The following ARHGAP24 variants were observed in gnomAD, a reference collection of about 807,000 sequenced individuals.
The protein encoded by ARHGAP24 is rho GTPase-activating protein 24.
A neutral mutation model predicts 76.4 loss-of-function variants in ARHGAP24; 50 were observed. The observed-to-expected ratio is 0.65, with a 90% CI of 0.52 to 0.83. The LOEUF (loss-of-function observed/expected upper bound fraction) is 0.83, where lower values mean the gene tolerates loss of function less well. Among genes scored for constraint, ARHGAP24 ranks in the 40% least tolerant of loss-of-function variants. The probability of loss-of-function intolerance (pLI) is 0.00; values close to 1 mark genes in which losing one functional copy is unlikely to be tolerated. For missense variants in ARHGAP24, 930 were observed against 914.2 expected, an observed-to-expected ratio of 1.02 and a Z score of -0.22; for synonymous variants, 345 against 323.3, an observed-to-expected ratio of 1.07 and a Z score of -0.72.
chr4:85,551,971 G>A (rs771254310), intron 1 of ARHGAP24, among the ~76,000 whole-genome samples: 1 of 152,018 alleles, frequency 6.6e-6, no homozygotes, highest in Non-Finnish European at 1.5e-5. Flanking sequence ...AAAAACTCAT[G>A]GATTCATTGA....
intron 3 of ARHGAP24, among the ~76,000 whole-genome samples, chr4:85,763,723 G>A (rs1044852196): frequency 1.3e-5 from 2 of 151,954 alleles, no homozygotes; most frequent in Non-Finnish European, 2.9e-5. Flanking sequence ...ATTTTGAAGA[G>A]TGAACATGTT....
chr4:85,983,901 A>G (rs1739832951), intron 8 of ARHGAP24, among the ~76,000 whole-genome samples: 1 of 152,234 alleles, frequency 6.6e-6, no homozygotes, highest in Non-Finnish European at 1.5e-5. Flanking sequence ...TGAGGGTAGA[A>G]TTAACTCTTC....
chr4:85,718,871 C>G (rs1479248739), intron 2 of ARHGAP24, among the ~76,000 whole-genome samples: 1 of 152,060 alleles, frequency 6.6e-6, no homozygotes, highest in East Asian at 1.9e-4. Flanking sequence ...TTTTAAATTA[C>G]AAAATGTGAT....
intron 3 of ARHGAP24, among the ~76,000 whole-genome samples, chr4:85,833,484 GAA>G (rs57631674): frequency 6.7e-6 from 1 of 149,802 alleles, no homozygotes; most frequent in Non-Finnish European, 1.5e-5. Flanking sequence ...CTGACCTGGG[GAA>G]AAAAAAAACA....
intron 4 of ARHGAP24, among the ~76,000 whole-genome samples, chr4:85,929,326 G>C (rs1255443324): frequency 6.6e-6 from 1 of 152,228 alleles, no homozygotes; most frequent in Non-Finnish European, 1.5e-5. Flanking sequence ...GGGCATGCTA[G>C]TCAGAGTAAT....
At chr4:85,785,745 G>A (rs187872958) in intron 3 of ARHGAP24, among the ~76,000 whole-genome samples, 2 of 152,190 alleles carry the variant, frequency 1.3e-5, no homozygotes, top group East Asian at 3.9e-4. Context: ...GAATCCATCA[G>A]TGCCGTTGTC....
chr4:85,610,648 C>T (rs1316077485), intron 2 of ARHGAP24, among the ~76,000 whole-genome samples: 1 of 151,548 alleles, frequency 6.6e-6, no homozygotes, highest in Non-Finnish European at 1.5e-5. Context: ...AAAAGTGTCA[C>T]ACTGATTTCT....
At chr4:85,684,668 C>G (rs1723354002) in intron 2 of ARHGAP24, among the ~76,000 whole-genome samples, 1 of 152,100 alleles carries the variant, frequency 6.6e-6, no homozygotes, top group Non-Finnish European at 1.5e-5. Context: ...AAAGCTACAC[C>G]CATGTTTCTT....
chr4:85,531,948 C>A (rs2869359), intron 1 of ARHGAP24, among the ~76,000 whole-genome samples: 17,259 of 152,108 alleles, frequency 0.11, 2,828 homozygotes, highest in African/African-American at 0.36. Flanking sequence ...GTAGAGTCCT[C>A]AGACTTACAG....
At chr4:85,963,301 A>G (rs891312306) in intron 5 of ARHGAP24, among the ~76,000 whole-genome samples, 4 of 152,084 alleles carry the variant, frequency 2.6e-5, no homozygotes, top group South Asian at 2.1e-4. Flanking sequence ...GTGCATTTGA[A>G]TGTTACTTCT....
At position 85,567,162 on chromosome 4, in the gene ARHGAP24, G is replaced by A. The variant is rs75923955; in HGVS notation, c.-20-3360G>A. Among the ~76,000 whole-genome samples the A allele has an allele frequency of 4.1e-3, 623 of 152,264 alleles. 9 individuals carry two copies. The East Asian group carries it at 0.046, about 11-fold the overall frequency. On this transcript the variant is annotated intron_variant, in intron 1 of 9. Transcript: ENST00000395184. ...TGGGAAGCCAACAACATTTTCAGAT[G>A]TTGAGAATCCTTATCTGATTTGAAT...
At chr4:85,988,072 A>G (rs908438760) in intron 8 of ARHGAP24, among the ~76,000 whole-genome samples, 1 of 151,612 alleles carries the variant, frequency 6.6e-6, no homozygotes. Context: ...TCCAGTGAAT[A>G]TATTTAAACA....
intron 3 of ARHGAP24, among the ~76,000 whole-genome samples, chr4:85,796,426 AG>A (rs1728341751): frequency 6.6e-6 from 1 of 152,186 alleles, no homozygotes; most frequent in East Asian, 1.9e-4. Flanking sequence ...CAGTTGTATC[AG>A]AACTTTTCTA....
intron 3 of ARHGAP24, among the ~76,000 whole-genome samples, chr4:85,742,292 G>A (rs775649776): frequency 1.3e-5 from 2 of 152,178 alleles, no homozygotes; most frequent in African/African-American, 4.8e-5. Context: ...CTCTCTTATC[G>A]TGCAACATGG....
intron 2 of ARHGAP24, among the ~76,000 whole-genome samples, chr4:85,594,141 A>C (rs1353124735): frequency 1.3e-5 from 2 of 151,640 alleles, no homozygotes; most frequent in Admixed American, 1.3e-4. Context: ...AGTATTTTAT[A>C]GTTTTTATTG....
intron 3 of ARHGAP24, among the ~76,000 whole-genome samples, chr4:85,804,651 A>T (rs1455739864): frequency 2.0e-5 from 3 of 152,214 alleles, no homozygotes; most frequent in South Asian, 2.1e-4. Flanking sequence ...AAACTGATGA[A>T]TTTCTGAGAG....
intron 3 of ARHGAP24, among the ~76,000 whole-genome samples, chr4:85,917,694 G>A (rs1735502219): frequency 6.6e-6 from 1 of 151,930 alleles, no homozygotes; most frequent in African/African-American, 2.4e-5. Flanking sequence ...GTGTTTTTTG[G>A]CTGCATAAAT....
chr4:85,644,218 G>C (rs1345746203), intron 2 of ARHGAP24, among the ~76,000 whole-genome samples: 1 of 152,152 alleles, frequency 6.6e-6, no homozygotes, highest in Non-Finnish European at 1.5e-5. Context: ...AATGAGCAAA[G>C]AGCTTAGAAC....
chr4:85,497,688 T>C (rs1182002508), intron 1 of ARHGAP24, among the ~76,000 whole-genome samples: 1 of 152,210 alleles, frequency 6.6e-6, no homozygotes, highest in East Asian at 1.9e-4. Context: ...GACGTGGTGG[T>C]GCAGGCCTAT....
Sources: allele counts gnomAD v4.1 joint callset (sites outside exome capture counted in the v4.1 genomes callset), GRCh38; gene constraint gnomAD v4.1.1; transcripts MANE v1.5; gene names NCBI Gene and HGNC (gene_info 2026-07-23, HGNC 2026-07-21).